WDCP: variants seen among roughly 807,000 people sequenced by gnomAD.
WDCP encodes WD repeat and coiled coil containing.
Under a neutral mutation model 41.6 loss-of-function variants are expected in WDCP, and 19 were observed. The ratio of observed to expected loss-of-function variants is 0.46; its 90% confidence interval spans 0.32 to 0.67. WDCP has a LOEUF of 0.67. Ranked by LOEUF, WDCP falls within the 30% of genes least tolerant of loss-of-function variation. The pLI, the probability that WDCP is intolerant of heterozygous loss-of-function variation, is 0.04. For missense variants in WDCP, 802 were observed against 850.7 expected (o/e 0.94, Z 0.71); for synonymous variants, 302 against 320.8 (o/e 0.94, Z 0.63).
intron 1 of WDCP, among the ~76,000 whole-genome samples, chr2:24,046,580 A>G (rs1426418091): frequency 6.6e-6 from 1 of 152,206 alleles, no homozygotes; most frequent in African/African-American, 2.4e-5. Context: ...TCATGACGAG[A>G]ATCAAGGGAT....
At chr2:24,046,142 G>A (rs1663619884) in intron 1 of WDCP, among the ~76,000 whole-genome samples, 1 of 151,924 alleles carries the variant, frequency 6.6e-6, no homozygotes, top group African/African-American at 2.4e-5. Context: ...AGTAGGGGAG[G>A]AACGTGTGTA....
chr2:24,034,711 A>G (rs975971089), intron 2 of WDCP, among the ~76,000 whole-genome samples: 1 of 151,732 alleles, frequency 6.6e-6, no homozygotes, highest in Non-Finnish European at 1.5e-5. Context: ...GTAGCTGGGA[A>G]AACAGGTGGG....
chr2:24,044,942 A>T (rs1177621114), intron 1 of WDCP, among the ~76,000 whole-genome samples: 1 of 152,220 alleles, frequency 6.6e-6, no homozygotes, highest in Non-Finnish European at 1.5e-5. Flanking sequence ...AAGGCAATTA[A>T]AACCTTATAT....
At position 24,031,027 on chromosome 2, in the gene WDCP, G is replaced by A; in HGVS notation, c.2072C>T (p.Pro691Leu). The change falls in exon 4 of 4, where the codon CCA (proline) becomes CTA (leucine). Residue 691 changes from proline to leucine, a missense_variant. By Grantham distance (98) the Pro-to-Leu change is moderately conservative. This residue lies in a region of WDCP where 321 missense variants were observed against 305.1 expected (regional missense o/e 1.05). Transcript: ENST00000295148. ...DVFRDSFSHS[P>L]GAVSSLKVFT... ...GACTTTAAGAGAAGAAACAGCACCT[G>A]GACTGTGAGAAAAAGAGTCTCTGAA... The A allele has an allele frequency of 1.2e-6, 2 of 1,614,164 alleles. No individual in the cohort carries two copies. The highest frequency in any genetic ancestry group is 4.5e-5 in the East Asian group (2 of 44,892).
chr2:24,044,842 G>C (rs1032668914), intron 1 of WDCP, among the ~76,000 whole-genome samples: 4 of 107,822 alleles, frequency 3.7e-5, no homozygotes, highest in Non-Finnish European at 7.7e-5. Context: ...AAAAAAAAAA[G>C]CACAGCGGTG....
intron 2 of WDCP, among the ~76,000 whole-genome samples, chr2:24,036,427 T>C (rs1663258651): frequency 6.6e-6 from 1 of 151,604 alleles, no homozygotes; most frequent in African/African-American, 2.4e-5. Context: ...GGGTCACTGA[T>C]CAGATTGGTG....
chr2:24,038,916 C>A lies in WDCP; in HGVS notation c.579G>T (p.Arg193Ser), dbSNP rs751392809. Residue 193 changes from arginine to serine, a missense_variant, in exon 2 of 4, where the codon AGG (arginine) becomes AGT (serine). Transcript: ENST00000295148. ...IWDSAQKTLH[R>S]CSSCLVFDVD... is the part of the protein sequence containing the mutation. ...CATCAAACACCAGGCAGGAGGAGCACCTGTGAAGAGTCTTCTGAGCGCTGT... is the reference window on the plus strand; with the variant it reads ...CATCAAACACCAGGCAGGAGGAGCAACTGTGAAGAGTCTTCTGAGCGCTGT... 1 of 1,614,186 alleles carries A rather than the reference C, an allele frequency of 6.2e-7. No individual in the cohort carries two copies. The highest frequency in any genetic ancestry group is 1.7e-5 in the Admixed American group (1 of 60,026).
rs1663074603 is a variant in WDCP, at chr2:24,030,664, T to G, written c.*269A>C. On this transcript the variant is annotated 3_prime_UTR_variant, in exon 4 of 4. Transcript: ENST00000295148. ...CACCATCCATATGGCACCATAATAT[T>G]GTTTTGTTCTGAGAATTCTGCCCTT... 2.6e-6 allele frequency: 1 copy of G among 382,672 alleles called. No homozygotes were observed. The highest frequency in any genetic ancestry group is 4.7e-6 in the Non-Finnish European group (1 of 212,342). The allele number at this position is 382,672 out of a possible 1,614,324, so 23.7% of individuals were successfully genotyped here.
intron 1 of WDCP, among the ~76,000 whole-genome samples, chr2:24,042,167 C>T (rs1208774517): frequency 1.3e-5 from 2 of 151,924 alleles, no homozygotes; most frequent in Non-Finnish European, 2.9e-5. Context: ...TTTGGGAGCC[C>T]GAGAAGGGCA....
chr2:24,035,348 C>T (rs1468976775), intron 2 of WDCP, among the ~76,000 whole-genome samples: 1 of 151,472 alleles, frequency 6.6e-6, no homozygotes, highest in Non-Finnish European at 1.5e-5. Context: ...AATAAAAATA[C>T]ATAACTAAAG....
chr2:24,032,745 C>T, intron 3 of WDCP, 84 bp downstream of exon 3: 4 of 780,130 alleles, frequency 5.1e-6, no homozygotes, highest in Non-Finnish European at 9.2e-6. Flanking sequence ...GTTGGTATCC[C>T]TCATTTTCAT....
chr2:24,036,175 C>T (rs565458638), intron 2 of WDCP, among the ~76,000 whole-genome samples: 2 of 151,752 alleles, frequency 1.3e-5, no homozygotes, highest in East Asian at 3.9e-4. Context: ...ACTGAAAACT[C>T]CATGTAGTTA....
rs373270155 is a variant in WDCP at position 24,038,091 on chromosome 2, G to C, written c.1404C>G (p.Ser468=). 1 of 1,614,030 alleles carries C rather than the reference G, an allele frequency of 6.2e-7. No individual in the cohort carries two copies. The highest frequency in any genetic ancestry group is 1.3e-5 in the African/African-American group (1 of 74,924). Residue 468 remains serine (S), a synonymous_variant, in exon 2 of 4, where the codon TCC becomes TCG. Transcript: ENST00000295148. ...CTTTGTTTTGGTGACAAAAATCTGG[G>C]GAAAGACTTTCAATTAACTTTTTTC... The part of the protein sequence containing the change: ...ANRKKLIESL[S]PDFCHQNKGL...
At chr2:24,031,611 G>A (rs1663096087) in intron 3 of WDCP, among the ~76,000 whole-genome samples, 1 of 152,172 alleles carries the variant, frequency 6.6e-6, no homozygotes, top group South Asian at 2.1e-4. Flanking sequence ...CAGATCTCGA[G>A]GTCAGGAGAT....
rs914661593 is a variant in WDCP at position 24,038,755 on chromosome 2, G to A, written c.740C>T (p.Thr247Ile). 6.2e-7 allele frequency: 1 copy of A among 1,614,184 alleles called. No homozygotes were observed. The highest frequency in any genetic ancestry group is 2.2e-5 in the East Asian group (1 of 44,894). The change falls in exon 2 of 4, where the codon ACT becomes ATT. Residue 247 changes from threonine (T) to isoleucine (I), a missense_variant. Physicochemically the swap from Thr to Ile is moderately conservative, Grantham distance 89. Around this residue, in one of 5 missense-constraint regions of WDCP, gnomAD observed 247 missense variants for 240.5 expected, o/e 1.03. Coordinates refer to ENST00000295148, the MANE Select transcript of WDCP (RefSeq NM_025203.3). ...ACCAATAACTGGTAAAGCATACGGAGTCATGTCTTTACTGTTAGGTGGGAT... is the reference window on the plus strand; with the variant it reads ...ACCAATAACTGGTAAAGCATACGGAATCATGTCTTTACTGTTAGGTGGGAT... ...FNIPPNSKDM[T>I]PYALPVIGEV...
Position 24,030,250 on chromosome 2 carries a change from T to A in WDCP, c.*683A>T, listed in dbSNP as rs1470053674. 3 of 152,160 alleles carry A rather than the reference T, an allele frequency of 2.0e-5. No homozygotes were observed. The highest frequency in any genetic ancestry group is 4.4e-5 in the Non-Finnish European group (3 of 68,028). 9.4% of individuals were successfully genotyped at this position (152,160 alleles called of 1,614,324 possible). On this transcript the variant is annotated 3_prime_UTR_variant, in exon 4 of 4. Transcript: ENST00000295148. ...GTAGCAGCATCGGCACAACCTCAAG[T>A]GGAACCCAGAGGGGACAAATTCCCT...
Position 24,038,435 on chromosome 2 carries a change from C to A in WDCP, c.1060G>T (p.Val354Leu). 6.2e-7 allele frequency: 1 copy of A among 1,614,166 alleles called. No homozygotes were observed. The highest frequency in any genetic ancestry group is 8.5e-7 in the Non-Finnish European group (1 of 1,180,032). ...TTACAAGTGTTGGAAGCCACTGCCA[C>A]TACGTGGGCTTTAAGATTAAATGCT... ...LIAFNLKAHV[V>L]AVASNTCNII... The change falls in exon 2 of 4, where the codon GTG becomes TTG. Residue 354 changes from valine (V) to leucine (L), a missense_variant. Physicochemically the swap from Val to Leu is conservative, Grantham distance 32 (BLOSUM62 1). Around this residue, in one of 5 missense-constraint regions of WDCP, gnomAD observed 247 missense variants for 240.5 expected, o/e 1.03. Transcript: ENST00000295148.
At chr2:24,031,579 C>A (rs1408503312) in intron 3 of WDCP, among the ~76,000 whole-genome samples, 1 of 152,218 alleles carries the variant, frequency 6.6e-6, no homozygotes, top group Non-Finnish European at 1.5e-5. Flanking sequence ...ATAATCCCAC[C>A]ACTTTGGGAG....
rs538971329 is a variant in WDCP, at chr2:24,029,479, A to C, written c.*1454T>G. 3.7e-4 allele frequency: 56 copies of C among 152,344 alleles called. No homozygotes were observed. Among genetic ancestry groups the C allele is most frequent in the African/African-American group, 1.3e-3 (52 of 41,584 alleles). 9.4% of individuals were successfully genotyped at this position (152,344 alleles called of 1,614,324 possible). A position where few individuals can be genotyped will look rare whatever the true frequency, so the allele number is the denominator to read the frequency against. ...TGTAGTTCCCTCTTTAGGCTTCAAGATAATTGTGATTTCATCGCACCCCAG... is the reference window on the plus strand; with the variant it reads ...TGTAGTTCCCTCTTTAGGCTTCAAGCTAATTGTGATTTCATCGCACCCCAG... On this transcript the variant is annotated 3_prime_UTR_variant, in exon 4 of 4. Transcript: ENST00000295148.
Sources: gnomAD v4.1 joint callset for allele counts (sites outside exome capture counted in the v4.1 genomes callset) on GRCh38, gnomAD v4.1.1 for gene constraint, gnomAD v4.1.1 regional missense constraint, MANE v1.5 for transcripts, NCBI Gene and HGNC (gene_info 2026-07-23, HGNC 2026-07-21) for gene names.